Variants in CSNK1D observed in about 807,000 individuals in gnomAD.
The protein encoded by CSNK1D is casein kinase I isoform delta.
In CSNK1D, 16 loss-of-function variants were observed where a neutral mutation model predicts 46.6. The ratio of observed to expected loss-of-function variants is 0.34; its 90% CI spans 0.23 to 0.52. The LOEUF (loss-of-function observed/expected upper bound fraction) is 0.52. Among genes scored for constraint, CSNK1D ranks in the 20% least tolerant of loss-of-function variants. The pLI is 0.95. For missense variants in CSNK1D, 398 were observed against 578.4 expected, an observed-to-expected ratio of 0.69 and a Z score of 3.20; for synonymous variants, 276 against 228.2, an observed-to-expected ratio of 1.21 and a Z score of -1.89.
At chr17:82,268,170 C>T (rs1450189066) in intron 1 of CSNK1D, among the ~76,000 whole-genome samples, 1 of 152,232 alleles carries the variant, frequency 6.6e-6, no homozygotes, top group Non-Finnish European at 1.5e-5. Flanking sequence ...TGGCAACTCT[C>T]TGGGGCCTGC....
rs1388678145 is a variant in CSNK1D at position 82,255,838 on chromosome 17, C to T, written c.188-261G>A. 6.6e-6 allele frequency among the ~76,000 whole-genome samples: 1 copy of T among 152,188 alleles called. No individual in the cohort carries two copies. Among genetic ancestry groups the T allele is most frequent in the Non-Finnish European group, 1.5e-5 (1 of 68,034 alleles). ...AAGGGGGACAAGGAGGGGATCGAAG[C>T]CCCACCTCCCCGACTCCCGTCTTCT... On this transcript the variant is annotated intron_variant, in intron 2 of 8. Transcript: ENST00000314028. This position sits in a 1 kb window ranked among gnomAD's most constrained non-coding sequence, Gnocchi z 5.9.
At chr17:82,267,548 CACTT>C (rs2051509280) in intron 1 of CSNK1D, among the ~76,000 whole-genome samples, 1 of 152,226 alleles carries the variant, frequency 6.6e-6, no homozygotes. Flanking sequence ...TTAAGAACGT[CACTT>C]ACTATCAACA....
chr17:82,269,963 G>C (rs1207790314), intron 1 of CSNK1D, among the ~76,000 whole-genome samples: 1 of 152,228 alleles, frequency 6.6e-6, no homozygotes, highest in Non-Finnish European at 1.5e-5. Flanking sequence ...TCTGGTTTAT[G>C]GCCACACCAC....
intron 1 of CSNK1D, among the ~76,000 whole-genome samples, chr17:82,271,676 C>A (rs1448025013): frequency 6.6e-6 from 1 of 152,222 alleles, no homozygotes; most frequent in Non-Finnish European, 1.5e-5. Context: ...GGCAGGTTAA[C>A]CAGGCACCGA....
intron 2 of CSNK1D, among the ~76,000 whole-genome samples, chr17:82,264,818 G>A (rs2051426651): frequency 7.3e-6 from 1 of 136,714 alleles, no homozygotes; most frequent in South Asian, 2.2e-4. Flanking sequence ...TTTTTTTTGA[G>A]ACGGAGTCTC....
At position 82,251,993 on chromosome 17, in the gene CSNK1D, T is replaced by TAA. The variant is rs879446672; in HGVS notation, c.736+439_736+440dup. On this transcript the variant is annotated intron_variant, in intron 5 of 8. Coordinates refer to ENST00000314028, the MANE Select transcript of CSNK1D (RefSeq NM_001893.6). This position sits in a 1 kb window ranked among gnomAD's most constrained non-coding sequence, Gnocchi z 4.5. ...TTGGCGACAGAGTGAGACTGTGTCT[T>TAA]AAAAAAAAAAAAGAAGTCATAAAGC... is the stretch of plus-strand genomic sequence containing the variant. 29 of 268,154 alleles carry TAA rather than the reference T, an allele frequency of 1.1e-4. No individual in the cohort carries two copies. The highest frequency in any genetic ancestry group is 2.2e-4 in the South Asian group (6 of 27,000). 16.6% of individuals were successfully genotyped at this position (268,154 alleles called of 1,614,324 possible). A position where few individuals can be genotyped will look rare whatever the true frequency, so the allele number is the denominator to read the frequency against.
chr17:82,268,891 C>T (rs1351626253), intron 1 of CSNK1D, among the ~76,000 whole-genome samples: 1 of 151,862 alleles, frequency 6.6e-6, no homozygotes, highest in Non-Finnish European at 1.5e-5. Flanking sequence ...GTCAGGCATT[C>T]GAGACCAGCC....
In CSNK1D at chr17:82,253,059, C is replaced by T. The variant is rs761776300; in HGVS notation, c.522G>A (p.Thr174=). The T allele has an allele frequency of 2.0e-5, 32 of 1,613,984 alleles. No individual in the cohort carries two copies. Among genetic ancestry groups the T allele is most frequent in the South Asian group, 6.6e-5 (6 of 91,080 alleles). ...HIPYRENKNL[T]GTARYASINT... is the part of the protein sequence containing the mutation. ...TGATGGAGGCGTACCGCGCCGTCCC[C>T]GTGAGGTTCTTGTTCTCACGATAGG... The change falls in exon 4 of 9, where the codon ACG becomes ACA. Residue 174 remains threonine, a synonymous_variant. Transcript: ENST00000314028.
chr17:82,255,958 C>G lies in CSNK1D; in HGVS notation c.188-381G>C, dbSNP rs987629075. Among the ~76,000 whole-genome samples the G allele has an allele frequency of 6.6e-6, 1 of 152,192 alleles. No individual in the cohort carries two copies. The highest frequency in any genetic ancestry group is 2.1e-4 in the South Asian group (1 of 4,834). The stretch of plus-strand genomic sequence containing the variant: ...GCAGCAGAGCCCGCCAGAAACGTCA[C>G]ACAGGAGATGGGAGGAGAGAAAGCA... On this transcript the variant is annotated intron_variant, in intron 2 of 8. Coordinates refer to ENST00000314028, the MANE Select transcript of CSNK1D (RefSeq NM_001893.6). This position sits in a 1 kb window ranked among gnomAD's most constrained non-coding sequence, Gnocchi z 5.9.
intron 2 of CSNK1D, among the ~76,000 whole-genome samples, chr17:82,259,329 G>T (rs1167181869): frequency 2.0e-5 from 3 of 152,122 alleles, no homozygotes; most frequent in African/African-American, 7.2e-5. Flanking sequence ...TCTGTTCTGA[G>T]ATCCCTATTT....
At chr17:82,253,465 C>A in intron 3 of CSNK1D, 1 of 549,616 alleles carries the variant, frequency 1.8e-6, no homozygotes, top group Non-Finnish European at 3.4e-6. Flanking sequence ...AGGCGCTTTG[C>A]CTTCAGCTCC....
Position 82,248,683 on chromosome 17 carries a change from C to G in CSNK1D, c.1197+192G>C. The G allele has an allele frequency of 7.0e-7, 1 of 1,421,438 alleles. No individual in the cohort carries two copies. The allele number at this position is 1,421,438 out of a possible 1,614,324, so 88.1% of individuals were successfully genotyped here. A position where few individuals can be genotyped will look rare whatever the true frequency, so the allele number is the denominator to read the frequency against. ...TGCAACCAGGAGACAAGCCCCATGA[C>G]GGCCCAGCATGTCTCCCAGGCCCTC... On this transcript the variant is annotated intron_variant, in intron 8 of 8. Transcript: ENST00000314028. The surrounding 1 kb of genome is among the most constrained non-coding windows in gnomAD (Gnocchi z 4.1).
Position 82,250,298 on chromosome 17 carries a change from C to G in CSNK1D, c.886-696G>C, listed in dbSNP as rs1026014567. 4 of 945,206 alleles carry G rather than the reference C, an allele frequency of 4.2e-6. No homozygotes were observed. The Admixed American group carries it at 9.4e-5, about 22-fold the overall frequency. The allele number at this position is 945,206 out of a possible 1,614,324, so 58.6% of individuals were successfully genotyped here. ...AAGTACAGCTCATTGGACACAGCCA[C>G]GTTCACCAGGCAACACACAGACCGA... On this transcript the variant is annotated intron_variant, in intron 6 of 8. Transcript: ENST00000314028. This position sits in a 1 kb window ranked among gnomAD's most constrained non-coding sequence, Gnocchi z 4.6.
At position 82,248,837 on chromosome 17, in the gene CSNK1D, C is replaced by G; in HGVS notation, c.1197+38G>C. The G allele has an allele frequency of 1.3e-6, 2 of 1,595,996 alleles. No homozygotes were observed. Among genetic ancestry groups the G allele is most frequent in the Non-Finnish European group, 1.7e-6 (2 of 1,171,004 alleles). Reference sequence around the variant, plus strand: ...CCCGCTCTTGACTCGGACGGGGTAGCCCGAGGCCCAGCGCCCGCCCGGGAG... The same window carrying G: ...CCCGCTCTTGACTCGGACGGGGTAGGCCGAGGCCCAGCGCCCGCCCGGGAG... On this transcript the variant is annotated intron_variant, in intron 8 of 8. Transcript: ENST00000314028. The surrounding 1 kb of genome is among the most constrained non-coding windows in gnomAD (Gnocchi z 4.1).
At position 82,265,349 on chromosome 17, in the gene CSNK1D, T is replaced by C. The variant is rs536947419; in HGVS notation, c.187+337A>G. 1.7e-5 allele frequency: 6 copies of C among 355,010 alleles called. No individual in the cohort carries two copies. In the East Asian group the frequency reaches 4.4e-4, roughly 26 times the overall value. The allele number at this position is 355,010 out of a possible 1,614,324, so 22.0% of individuals were successfully genotyped here. A position where few individuals can be genotyped will look rare whatever the true frequency, so the allele number is the denominator to read the frequency against. Reference sequence around the variant, plus strand: ...GCACGCCATCACACTTGGCTAATTTTTGTATTTTTAGTAGAGACGGGGTTT... The same window carrying C: ...GCACGCCATCACACTTGGCTAATTTCTGTATTTTTAGTAGAGACGGGGTTT... On this transcript the variant is annotated intron_variant, in intron 2 of 8. Coordinates refer to ENST00000314028, the MANE Select transcript of CSNK1D (RefSeq NM_001893.6).
chr17:82,268,696 A>G (rs1361415741), intron 1 of CSNK1D, among the ~76,000 whole-genome samples: 1 of 152,188 alleles, frequency 6.6e-6, no homozygotes, highest in Non-Finnish European at 1.5e-5. Flanking sequence ...GCAGCTCAAC[A>G]ATCCTGGTCT....
At chr17:82,257,515 G>C (rs1464714344) in intron 2 of CSNK1D, among the ~76,000 whole-genome samples, 1 of 152,100 alleles carries the variant, frequency 6.6e-6, no homozygotes, top group Non-Finnish European at 1.5e-5. Context: ...CACACCTTAA[G>C]TAACTAAGGG....
intron 8 of CSNK1D, chr17:82,246,382 G>T: frequency 7.9e-7 from 1 of 1,259,572 alleles, no homozygotes; most frequent in South Asian, 1.6e-5. Flanking sequence ...CAGCCTGAAG[G>T]CAGGGGAGAC....
chr17:82,269,877 A>G (rs1451954690), intron 1 of CSNK1D, among the ~76,000 whole-genome samples: 1 of 152,258 alleles, frequency 6.6e-6, no homozygotes, highest in African/African-American at 2.4e-5. Context: ...CATGGTCCAC[A>G]TTAAGGACAC....
Sources: gnomAD v4.1 joint callset for allele counts (sites outside exome capture counted in the v4.1 genomes callset) on GRCh38, gnomAD v4.1.1 for gene constraint, Gnocchi (gnomAD v3.1) non-coding constraint, MANE v1.5 for transcripts, NCBI Gene and HGNC (gene_info 2026-07-23, HGNC 2026-07-21) for gene names.